RIC3: variants seen among roughly 807,000 people sequenced by gnomAD.
The protein encoded by RIC3 is protein RIC-3.
RIC3 carries 28 observed loss-of-function variants against 27.3 expected under a neutral mutation model. The observed-to-expected ratio is 1.02, with a 90% CI of 0.76 to 1.41. RIC3 has a LOEUF of 1.41. Among genes scored for constraint, RIC3 ranks in the 40% most tolerant of loss-of-function variants. The pLI is 0.00. For synonymous variants in RIC3, 184 were observed against 160.4 expected (o/e 1.15, Z -1.11); for missense variants, 501 against 444.7 (o/e 1.13, Z -1.14).
chr11:8,097,571 TTGTGTTTTCCAGTGCATTTGTG>T, the RIC3 span: 3 of 1,337,764 alleles, frequency 2.2e-6, no homozygotes, highest in Non-Finnish European at 3.2e-6. Context: ...GTGCACATCT[TTGTGTTTTCCAGTGCATTTGTG>T]TGTGTGCACA....
intron 4 of RIC3, among the ~76,000 whole-genome samples, chr11:8,132,132 T>G (rs1002770371): frequency 2.0e-5 from 3 of 152,122 alleles, no homozygotes; most frequent in African/African-American, 7.2e-5. Flanking sequence ...ATGGACTGCT[T>G]GACCATACCA....
chr11:8,094,986 G>A, the RIC3 span, among the ~76,000 whole-genome samples: 1 of 152,240 alleles, frequency 6.6e-6, no homozygotes, highest in Admixed American at 6.5e-5. Flanking sequence ...TAGGATGGGA[G>A]ATGCTCCATT....
chr11:8,139,797 A>G, intron 2 of RIC3, 170 bp downstream of exon 2: 2 of 640,508 alleles, frequency 3.1e-6, no homozygotes, highest in East Asian at 5.5e-5. Context: ...TTCTTATGTG[A>G]AACTGAAATA....
the RIC3 span, chr11:8,097,816 G>A: frequency 1.2e-6 from 2 of 1,613,274 alleles, no homozygotes; most frequent in Non-Finnish European, 1.7e-6. Flanking sequence ...CAGCTATATC[G>A]GGAAACTGCG....
the RIC3 span, chr11:8,097,934 T>C: frequency 1.2e-6 from 1 of 808,058 alleles, no homozygotes; most frequent in African/African-American, 1.7e-5. Context: ...CAGGGATGGA[T>C]ACTCTCCCAG....
intron 5 of RIC3, among the ~76,000 whole-genome samples, chr11:8,120,703 T>A (rs1946342054): frequency 2.0e-5 from 3 of 149,692 alleles, no homozygotes; most frequent in African/African-American, 5.0e-5. Flanking sequence ...ATACCCCAAA[T>A]ATAATTTAAA....
chr11:8,102,601 CCT>C (rs61390438), downstream of RIC3: 172 of 151,020 alleles, frequency 1.1e-3, 1 homozygote, highest in East Asian at 0.02. Flanking sequence ...AAGAATCTCT[CCT>C]CTCTCTCTCT....
downstream of RIC3, chr11:8,101,366 C>A: frequency 7.6e-7 from 1 of 1,307,514 alleles, no homozygotes. Flanking sequence ...TGTGATTCCC[C>A]TGGCATCTCT....
chr11:8,163,940 G>A (rs1381274685), intron 1 of RIC3, among the ~76,000 whole-genome samples: 2 of 151,972 alleles, frequency 1.3e-5, no homozygotes, highest in South Asian at 2.1e-4. Flanking sequence ...CACATTTCAC[G>A]ATTTCATAAC....
intron 5 of RIC3, among the ~76,000 whole-genome samples, chr11:8,111,785 C>T (rs926244440): frequency 9.9e-5 from 15 of 152,190 alleles, no homozygotes; most frequent in Admixed American, 9.2e-4. Context: ...AACTGGCAAA[C>T]AAAATGAGTA....
chr11:8,111,939 C>G (rs2134043670), intron 5 of RIC3, among the ~76,000 whole-genome samples: 1 of 152,232 alleles, frequency 6.6e-6, no homozygotes, highest in East Asian at 1.9e-4. Context: ...AGTACTGGCA[C>G]CAGCGGCCGT....
chr11:8,130,601 C>A (rs1947573491), intron 4 of RIC3, among the ~76,000 whole-genome samples: 1 of 152,134 alleles, frequency 6.6e-6, no homozygotes, highest in Non-Finnish European at 1.5e-5. Flanking sequence ...TAACTTGCCC[C>A]CACTTTTCCA....
chr11:8,117,411 T>C (rs1945968903), intron 5 of RIC3, among the ~76,000 whole-genome samples: 1 of 152,166 alleles, frequency 6.6e-6, no homozygotes, highest in African/African-American at 2.4e-5. Flanking sequence ...ACAACCTAGA[T>C]GAACTTGGAG....
At position 8,169,015 on chromosome 11, in the gene RIC3, A is replaced by C; in HGVS notation, c.-26T>G. On this transcript the variant is annotated 5_prime_UTR_variant, in exon 1 of 6. Transcript: ENST00000309737. ...GACTGCTCACGGTGGTCGCAGGTGC[A>C]GACGCCAGCCGGAACCGGAACCGGA... 1 of 1,543,632 alleles carries C rather than the reference A, an allele frequency of 6.5e-7. No homozygotes were observed. The highest frequency in any genetic ancestry group is 1.4e-5 in the African/African-American group (1 of 69,572).
In RIC3 at chr11:8,162,709, G is replaced by T. The variant is rs929428480; in HGVS notation, c.124+6157C>A. On this transcript the variant is annotated intron_variant, in intron 1 of 5. Coordinates refer to ENST00000309737, the MANE Select transcript of RIC3 (RefSeq NM_001206671.4). The stretch of plus-strand genomic sequence containing the variant: ...CGCCCAGGCTGGAATGCAGTGGTGG[G>T]ATCTCAGCTCACTGCAACCTCCAAC... Among the ~76,000 whole-genome samples, 6 of 148,622 alleles carry T rather than the reference G, an allele frequency of 4.0e-5. No homozygotes were observed. In the Admixed American group the frequency reaches 4.0e-4, roughly 10 times the overall value.
At chr11:8,162,629 CTTTTTTTT>C (rs757717970) in intron 1 of RIC3, among the ~76,000 whole-genome samples, 23 of 83,736 alleles carry the variant, frequency 2.7e-4, no homozygotes, top group African/African-American at 6.7e-4. Context: ...CATGCTTCTT[CTTTTTTTT>C]TTTTTTTTTT....
chr11:8,093,839 G>A, the RIC3 span, among the ~76,000 whole-genome samples: 12 of 152,242 alleles, frequency 7.9e-5, no homozygotes, highest in African/African-American at 1.2e-4. Flanking sequence ...TGGGGGTGCC[G>A]CCTCCTTCCA....
At chr11:8,098,663 A>G in the RIC3 span, 1 of 885,846 alleles carries the variant, frequency 1.1e-6, no homozygotes, top group Non-Finnish European at 1.8e-6. Flanking sequence ...CCAGCCCAGA[A>G]TGTTTTGCAG....
chr11:8,123,949 C>A (rs1323989451), intron 5 of RIC3, among the ~76,000 whole-genome samples: 1 of 149,404 alleles, frequency 6.7e-6, no homozygotes, highest in Non-Finnish European at 1.5e-5. Flanking sequence ...TAGTGCATGC[C>A]TGTAGGCTCA....
Sources: allele counts gnomAD v4.1 joint callset (sites outside exome capture counted in the v4.1 genomes callset), GRCh38; gene constraint gnomAD v4.1.1; transcripts MANE v1.5; gene names NCBI Gene and HGNC (gene_info 2026-07-23, HGNC 2026-07-21).